Variants in GPC5 observed in about 807,000 individuals in gnomAD.
GPC5 encodes the protein glypican-5.
In GPC5, 47 loss-of-function variants were observed where a neutral mutation model predicts 53.9. That is an observed-to-expected ratio of 0.87 (90% CI 0.69 to 1.11). The LOEUF (loss-of-function observed/expected upper bound fraction) is 1.11, where lower values mean the gene tolerates loss of function less well. GPC5 is among the 50% of genes most tolerant of loss of function. GPC5 has a pLI of 0.00. For missense variants in GPC5, 748 were observed against 713.1 expected (o/e 1.05, Z -0.56); for synonymous variants, 286 against 263.3 (o/e 1.09, Z -0.84).
intron 2 of GPC5, among the ~76,000 whole-genome samples, chr13:91,550,540 A>G (rs528739969): frequency 6.6e-6 from 1 of 152,290 alleles, no homozygotes; most frequent in South Asian, 2.1e-4. Context: ...TTGGTACAAG[A>G]GTTAAGGATA....
intron 5 of GPC5, among the ~76,000 whole-genome samples, chr13:91,835,350 C>A (rs980577351): frequency 3.9e-5 from 6 of 152,046 alleles, no homozygotes; most frequent in African/African-American, 1.4e-4. Context: ...GATCTAGAAC[C>A]AGAAATACCA....
intron 6 of GPC5, among the ~76,000 whole-genome samples, chr13:91,952,838 T>G (rs894372284): frequency 6.6e-6 from 1 of 152,132 alleles, no homozygotes; most frequent in African/African-American, 2.4e-5. Flanking sequence ...CCATGCTGGA[T>G]GTATTGGACT....
At chr13:91,721,151 G>A (rs1174281612) in intron 3 of GPC5, among the ~76,000 whole-genome samples, 2 of 137,514 alleles carry the variant, frequency 1.5e-5, no homozygotes, top group South Asian at 2.2e-4. Flanking sequence ...TTTTGGGTGG[G>A]GGGACTGAGT....
chr13:92,153,312 A>C (rs1034696914), intron 7 of GPC5, among the ~76,000 whole-genome samples: 4 of 151,860 alleles, frequency 2.6e-5, no homozygotes, highest in Non-Finnish European at 5.9e-5. Context: ...GGTTTTTTGT[A>C]CTTTTAGTAG....
intron 5 of GPC5, among the ~76,000 whole-genome samples, chr13:91,758,321 T>C (rs2037338190): frequency 6.6e-6 from 1 of 152,078 alleles, no homozygotes. Flanking sequence ...GAATTGAACT[T>C]TTTGTATATT....
At chr13:91,930,821 A>G (rs1249141560) in intron 6 of GPC5, among the ~76,000 whole-genome samples, 1 of 152,040 alleles carries the variant, frequency 6.6e-6, no homozygotes, top group African/African-American at 2.4e-5. Flanking sequence ...GACTGTAACA[A>G]TTGGATTTAT....
chr13:91,421,453 A>G (rs558572659), intron 1 of GPC5, among the ~76,000 whole-genome samples: 55 of 152,336 alleles, frequency 3.6e-4, no homozygotes, highest in African/African-American at 1.3e-3. Context: ...GGAACTCAGA[A>G]GACTAATATT....
chr13:92,716,400 C>T lies in GPC5; in HGVS notation c.1562-149882C>T, dbSNP rs551869243. Among the ~76,000 whole-genome samples, 13 of 152,058 alleles carry T rather than the reference C, an allele frequency of 8.5e-5. No individual in the cohort carries two copies. In the South Asian group the frequency reaches 2.7e-3, roughly 32 times the overall value. Reference sequence around the variant, plus strand: ...GCCTTGCTACTTTCCTCTCATCTTTCAAGATTCAGCTCCAGGTTGACCACA... The same window carrying T: ...GCCTTGCTACTTTCCTCTCATCTTTTAAGATTCAGCTCCAGGTTGACCACA... On this transcript the variant is annotated intron_variant, in intron 7 of 7. Transcript: ENST00000377067.
intron 7 of GPC5, among the ~76,000 whole-genome samples, chr13:92,561,083 C>A (rs555257445): frequency 6.6e-6 from 1 of 151,940 alleles, no homozygotes; most frequent in East Asian, 1.9e-4. Flanking sequence ...GCCTTCGAGA[C>A]GTGACCTTGG....
chr13:92,330,818 G>A (rs1196605756), intron 7 of GPC5, among the ~76,000 whole-genome samples: 2 of 152,136 alleles, frequency 1.3e-5, no homozygotes, highest in African/African-American at 4.8e-5. Context: ...GGGCCATGGT[G>A]GAGCCGAGGT....
intron 7 of GPC5, among the ~76,000 whole-genome samples, chr13:92,784,297 G>A (rs929888070): frequency 6.6e-6 from 1 of 152,100 alleles, no homozygotes; most frequent in African/African-American, 2.4e-5. Context: ...ATTAGTGGGT[G>A]CATTCTACTT....
intron 3 of GPC5, among the ~76,000 whole-genome samples, chr13:91,727,299 C>T (rs955827192): frequency 3.9e-5 from 6 of 152,130 alleles, no homozygotes; most frequent in East Asian, 1.9e-4. Flanking sequence ...TAGCCTTTCC[C>T]GGGGTAGTCT....
At chr13:91,459,804 A>G (rs189349256) in intron 2 of GPC5, among the ~76,000 whole-genome samples, 2 of 152,274 alleles carry the variant, frequency 1.3e-5, no homozygotes, top group African/African-American at 4.8e-5. Context: ...AGTGATAGAC[A>G]TATTTCTGTA....
intron 7 of GPC5, among the ~76,000 whole-genome samples, chr13:92,212,054 G>A (rs1045784277): frequency 4.7e-5 from 7 of 150,498 alleles, no homozygotes; most frequent in African/African-American, 1.5e-4. Flanking sequence ...GCCCTGTTCC[G>A]CAGGTGGTAA....
chr13:91,688,378 T>C (rs1188529044), intron 2 of GPC5, among the ~76,000 whole-genome samples: 17 of 152,150 alleles, frequency 1.1e-4, no homozygotes, highest in Non-Finnish European at 4.4e-5. Flanking sequence ...CAGTTTTTTA[T>C]TGGTTGGATT....
chr13:92,053,848 G>A (rs1193179025), intron 6 of GPC5, among the ~76,000 whole-genome samples: 2 of 151,728 alleles, frequency 1.3e-5, no homozygotes, highest in South Asian at 2.1e-4. Flanking sequence ...TGGCCAACAT[G>A]GTGAAACCCC....
In GPC5 at chr13:92,120,565, GA is replaced by G. The variant is rs546764061; in HGVS notation, c.1402-24259del. Among the ~76,000 whole-genome samples the G allele has an allele frequency of 1.0e-3, 158 of 151,812 alleles. 1 individual carries two copies. Among genetic ancestry groups the G allele is most frequent in the African/African-American group, 3.5e-3 (146 of 41,466 alleles). On this transcript the variant is annotated intron_variant, in intron 6 of 7. Transcript: ENST00000377067. ...CAAGCCCAGCCTAATGACTATTTTT[GA>G]AAAAAGAAACACATTACTCTCCCTT...
chr13:92,539,653 GTC>G (rs1881861069), intron 7 of GPC5, among the ~76,000 whole-genome samples: 1 of 151,418 alleles, frequency 6.6e-6, no homozygotes, highest in East Asian at 1.9e-4. Context: ...TTTTCTTTCT[GTC>G]TCTCTTTCTT....
At chr13:91,756,108 G>T (rs537802063) in intron 4 of GPC5, among the ~76,000 whole-genome samples, 187 bp from the exon 5 acceptor site, 3 of 144,918 alleles carry the variant, frequency 2.1e-5, no homozygotes, top group African/African-American at 7.7e-5. Context: ...TTTTCATCTT[G>T]GTGGTTAGAA....
Sources: gnomAD v4.1 joint callset for allele counts (sites outside exome capture counted in the v4.1 genomes callset) on GRCh38, gnomAD v4.1.1 for gene constraint, MANE v1.5 for transcripts, NCBI Gene and HGNC (gene_info 2026-07-23, HGNC 2026-07-21) for gene names.